The following AVL9 variants were observed in gnomAD, a reference collection of about 807,000 sequenced individuals.
AVL9 encodes the protein AVL9 cell migration associated.
Under a neutral mutation model 79.2 loss-of-function variants are expected in AVL9, and 49 were observed. That is an observed-to-expected ratio of 0.62 (90% CI 0.49 to 0.79). AVL9 has a LOEUF of 0.79. Among genes scored for constraint, AVL9 ranks in the 30% least tolerant of loss-of-function variants. The probability of loss-of-function intolerance (pLI) is 0.00; values close to 1 mark genes in which losing one functional copy is unlikely to be tolerated. For synonymous variants in AVL9, 299 were observed against 280.6 expected (o/e 1.07, Z -0.65); for missense variants, 682 against 776.8 (o/e 0.88, Z 1.45).
At chr7:32,564,296 A>G (rs2128144398) in intron 10 of AVL9, among the ~76,000 whole-genome samples, 1 of 152,326 alleles carries the variant, frequency 6.6e-6, no homozygotes, top group Non-Finnish European at 1.5e-5. Flanking sequence ...GTTTGGATGA[A>G]AATCTAATTT....
At position 32,573,325 on chromosome 7, in the gene AVL9, C is replaced by T. The variant is rs1790944054; in HGVS notation, c.1477C>T (p.Leu493=). The change falls in exon 12 of 16, where the codon CTA becomes TTA. Residue 493 remains leucine (L), a synonymous_variant. Transcript: ENST00000318709. ...HVTENRDDVF[L]DGTGWEGGDE... ...GACTGAGAATCGGGATGACGTCTTC[C>T]TAGATGGCACGGGCTGGGAGGGAGG... The T allele has an allele frequency of 1.9e-6, 3 of 1,613,616 alleles. No homozygotes were observed. Among genetic ancestry groups the T allele is most frequent in the Non-Finnish European group, 2.5e-6 (3 of 1,179,938 alleles).
intron 1 of AVL9, among the ~76,000 whole-genome samples, chr7:32,530,964 A>C (rs1433450387): frequency 6.6e-6 from 1 of 152,138 alleles, no homozygotes; most frequent in African/African-American, 2.4e-5. Flanking sequence ...TATTAAAAAA[A>C]AAAGAGTTTA....
In AVL9 at chr7:32,575,993, G is replaced by C; in HGVS notation, c.1609G>C (p.Val537Leu). The C allele has an allele frequency of 6.2e-7, 1 of 1,613,982 alleles. No homozygotes were observed. The highest frequency in any genetic ancestry group is 8.5e-7 in the Non-Finnish European group (1 of 1,179,882). The stretch of plus-strand genomic sequence containing the variant: ...ATTATCGGACTATGGGACAACTTTT[G>C]TTACAGCATGGAAGAATACTCACAA... ...KILSDYGTTF[V>L]TAWKNTHNYR... The change falls in exon 13 of 16, where the codon GTT becomes CTT. Residue 537 changes from valine to leucine, a missense_variant. By Grantham distance (32) the Val-to-Leu change is conservative. Transcript: ENST00000318709.
At chr7:32,502,264 C>G (rs977240969) in intron 1 of AVL9, among the ~76,000 whole-genome samples, 1 of 151,550 alleles carries the variant, frequency 6.6e-6, no homozygotes, top group Admixed American at 6.6e-5. Flanking sequence ...ACTTGGGAGG[C>G]TGGTGTGAGT....
intron 1 of AVL9, among the ~76,000 whole-genome samples, chr7:32,530,378 A>G (rs1788596269): frequency 6.6e-6 from 1 of 152,234 alleles, no homozygotes; most frequent in Non-Finnish European, 1.5e-5. Context: ...ACTGGAAATT[A>G]TTTGTCAGAA....
intron 1 of AVL9, among the ~76,000 whole-genome samples, chr7:32,514,373 AAC>A (rs1367291090): frequency 6.6e-6 from 1 of 152,224 alleles, no homozygotes; most frequent in Non-Finnish European, 1.5e-5. Flanking sequence ...ACTGCCTGCA[AAC>A]ACATTTTTAA....
At chr7:32,498,734 A>AT (rs199555380) in intron 1 of AVL9, among the ~76,000 whole-genome samples, 2,691 of 151,124 alleles carry the variant, frequency 0.018, 90 homozygotes, top group African/African-American at 0.062. Flanking sequence ...ATTTTAAGTG[A>AT]TTTTTTTGAG....
chr7:32,580,384 A>G (rs777989898), intron 14 of AVL9, 112 bp downstream of exon 14: 1 of 823,648 alleles, frequency 1.2e-6, no homozygotes, highest in Non-Finnish European at 2.0e-6. Context: ...TGCTTCAAAT[A>G]GTAACCAAAT....
intron 12 of AVL9, among the ~76,000 whole-genome samples, chr7:32,575,089 T>TTTTG (rs1791028978): frequency 1.3e-5 from 2 of 149,350 alleles, no homozygotes; most frequent in Non-Finnish European, 3.0e-5. Flanking sequence ...TTTAAGACTT[T>TTTTG]TTTTGTTTTG....
At chr7:32,523,117 A>C (rs372900617) in intron 1 of AVL9, among the ~76,000 whole-genome samples, 7 of 145,280 alleles carry the variant, frequency 4.8e-5, no homozygotes, top group African/African-American at 1.8e-4. Flanking sequence ...TCATGGGTCT[A>C]TAGATGGTTA....
intron 1 of AVL9, among the ~76,000 whole-genome samples, chr7:32,498,085 G>T (rs1022336840): frequency 6.6e-6 from 1 of 152,152 alleles, no homozygotes; most frequent in Non-Finnish European, 1.5e-5. Context: ...TCAGCAGTCC[G>T]CTTGGTTAAG....
chr7:32,557,851 CTCT>C lies in AVL9; in HGVS notation c.610-706_610-704del, dbSNP rs1452759914. Among the ~76,000 whole-genome samples the C allele has an allele frequency of 4.0e-4, 26 of 64,246 alleles. 1 individual carries two copies. The highest frequency in any genetic ancestry group is 1.4e-3 in the African/African-American group (24 of 17,718). 42.1% of individuals were successfully genotyped at this position (64,246 alleles called of 152,430 possible). A position where few individuals can be genotyped will look rare whatever the true frequency, so the allele number is the denominator to read the frequency against. ...GTACTTCTATGTTTATTAGCTGTTACTCTTTTTTTTTTTTTTTTTTTTGAGACA... is the reference window on the plus strand; with the variant it reads ...GTACTTCTATGTTTATTAGCTGTTACTTTTTTTTTTTTTTTTTTTGAGACA... On this transcript the variant is annotated intron_variant, in intron 8 of 15. Coordinates refer to ENST00000318709, the MANE Select transcript of AVL9 (RefSeq NM_015060.3).
At chr7:32,569,083 T>A (rs1172232988) in intron 10 of AVL9, among the ~76,000 whole-genome samples, 1 of 152,134 alleles carries the variant, frequency 6.6e-6, no homozygotes. Flanking sequence ...AAAGCGGATA[T>A]CCCCTGCCTT....
At chr7:32,496,221 A>T (rs557180180) in intron 1 of AVL9, among the ~76,000 whole-genome samples, 2 of 152,226 alleles carry the variant, frequency 1.3e-5, no homozygotes. Context: ...TAATAGGCTC[A>T]GTGGGCTTGC....
intron 1 of AVL9, among the ~76,000 whole-genome samples, chr7:32,528,733 C>T (rs2044835): frequency 0.33 from 50,739 of 151,994 alleles, 8,708 homozygotes; most frequent in South Asian, 0.44. Flanking sequence ...TATCATAGGC[C>T]GGCGCAGTGG....
intron 5 of AVL9, among the ~76,000 whole-genome samples, chr7:32,551,967 C>A (rs1029576052): frequency 6.6e-6 from 1 of 151,604 alleles, no homozygotes; most frequent in Non-Finnish European, 1.5e-5. Flanking sequence ...GAATGAACCA[C>A]GCTCTAAAAT....
chr7:32,521,427 C>G (rs888671558), intron 1 of AVL9, among the ~76,000 whole-genome samples: 3 of 152,066 alleles, frequency 2.0e-5, no homozygotes, highest in African/African-American at 7.2e-5. Flanking sequence ...GTAAAGGTGA[C>G]TTTTGTTATG....
chr7:32,553,681 A>C, intron 6 of AVL9, 46 bp from the exon 7 acceptor site: 1 of 1,486,140 alleles, frequency 6.7e-7, no homozygotes, highest in South Asian at 1.2e-5. Context: ...CTGCAGCAAA[A>C]ACATTACATT....
At chr7:32,535,143 G>C (rs932889865) in intron 1 of AVL9, 2 of 152,150 alleles carry the variant, frequency 1.3e-5, no homozygotes, top group Admixed American at 1.3e-4. Flanking sequence ...TGCCAAAGAG[G>C]CATATTTGGA....
Sources: gnomAD v4.1 joint callset for allele counts (sites outside exome capture counted in the v4.1 genomes callset) on GRCh38, gnomAD v4.1.1 for gene constraint, MANE v1.5 for transcripts, NCBI Gene and HGNC (gene_info 2026-07-23, HGNC 2026-07-21) for gene names.